SHISA9: variants seen among roughly 807,000 people sequenced by gnomAD.
The protein encoded by SHISA9 is protein shisa-9.
In SHISA9, 13 loss-of-function variants were observed where a neutral mutation model predicts 38.0. That is an observed-to-expected ratio of 0.34 (90% CI 0.22 to 0.54). SHISA9 has a LOEUF of 0.54. Among genes scored for constraint, SHISA9 ranks in the 20% least tolerant of loss-of-function variants. The pLI is 0.91. For synonymous variants in SHISA9, 275 were observed against 242.0 expected, an observed-to-expected ratio of 1.14 and a Z score of -1.27; for missense variants, 538 against 575.8, an observed-to-expected ratio of 0.93 and a Z score of 0.67.
intron 2 of SHISA9, among the ~76,000 whole-genome samples, chr16:12,923,611 T>C (rs1207267084): frequency 6.6e-6 from 1 of 152,142 alleles, no homozygotes; most frequent in Non-Finnish European, 1.5e-5. Flanking sequence ...GTTAACCAAA[T>C]ACATGGGAGT....
At chr16:13,471,427 A>G in the SHISA9 span, among the ~76,000 whole-genome samples, 1 of 152,214 alleles carries the variant, frequency 6.6e-6, no homozygotes, top group Non-Finnish European at 1.5e-5. Context: ...GTTTTTCTAG[A>G]TCCGACTCTC....
intron 4 of SHISA9, among the ~76,000 whole-genome samples, chr16:13,214,195 A>G (rs889589352): frequency 1.3e-5 from 2 of 151,952 alleles, no homozygotes; most frequent in Non-Finnish European, 2.9e-5. Flanking sequence ...AGGTAGAACT[A>G]TTTATCTATT....
intron 2 of SHISA9, among the ~76,000 whole-genome samples, chr16:13,089,686 C>G (rs998872610): frequency 1.3e-5 from 2 of 151,852 alleles, no homozygotes; most frequent in Non-Finnish European, 2.9e-5. Context: ...TTTTATTTTT[C>G]TCTCTTTTCT....
the SHISA9 span, among the ~76,000 whole-genome samples, chr16:13,527,344 A>G: frequency 6.6e-6 from 1 of 152,210 alleles, no homozygotes; most frequent in African/African-American, 2.4e-5. Flanking sequence ...CCATTTTAGT[A>G]CAACACCACT....
the SHISA9 span, among the ~76,000 whole-genome samples, chr16:13,467,150 T>C: frequency 6.6e-6 from 1 of 152,286 alleles, no homozygotes; most frequent in East Asian, 1.9e-4. Flanking sequence ...AAGCATTGTT[T>C]CTGGGTGTGT....
intron 2 of SHISA9, among the ~76,000 whole-genome samples, chr16:13,190,728 C>A (rs1211357972): frequency 6.6e-6 from 1 of 152,146 alleles, no homozygotes; most frequent in Non-Finnish European, 1.5e-5. Flanking sequence ...ATCTCTGTCC[C>A]CCAGAGCCTG....
chr16:13,291,495 T>C, the SHISA9 span, among the ~76,000 whole-genome samples: 1 of 152,344 alleles, frequency 6.6e-6, no homozygotes, highest in East Asian at 1.9e-4. Context: ...CCACACACTT[T>C]ATGTATTGCC....
At chr16:13,413,774 A>T in the SHISA9 span, among the ~76,000 whole-genome samples, 29 of 151,080 alleles carry the variant, frequency 1.9e-4, 1 homozygote, top group Non-Finnish European at 3.8e-4. Flanking sequence ...AAAAAAAAAA[A>T]AAAAAAAAAA....
intron 2 of SHISA9, among the ~76,000 whole-genome samples, chr16:13,035,685 C>G (rs1056024493): frequency 1.2e-4 from 18 of 152,246 alleles, no homozygotes; most frequent in Admixed American, 1.2e-3. Flanking sequence ...TACGCACCAC[C>G]ATGCCTGGCT....
intron 1 of SHISA9, among the ~76,000 whole-genome samples, chr16:12,916,233 GT>G (rs1386484970): frequency 1.3e-5 from 2 of 152,076 alleles, no homozygotes; most frequent in East Asian, 3.9e-4. Flanking sequence ...GTTTTGTGCT[GT>G]TTTGTTTAGT....
At chr16:13,380,484 C>G in the SHISA9 span, among the ~76,000 whole-genome samples, 8 of 152,118 alleles carry the variant, frequency 5.3e-5, no homozygotes, top group African/African-American at 1.9e-4. Context: ...GTTAAAAATT[C>G]TGACTACTAA....
the SHISA9 span, among the ~76,000 whole-genome samples, chr16:13,427,885 C>T: frequency 6.6e-6 from 1 of 152,206 alleles, no homozygotes; most frequent in African/African-American, 2.4e-5. Context: ...TCTATAGAAT[C>T]ACAGTAGTCC....
intron 2 of SHISA9, among the ~76,000 whole-genome samples, chr16:13,102,815 C>T (rs191698412): frequency 6.6e-6 from 1 of 152,236 alleles, no homozygotes; most frequent in Non-Finnish European, 1.5e-5. Flanking sequence ...AGTCGCTGTT[C>T]CGGGAAAAAT....
chr16:13,150,286 C>T (rs2050487607), intron 2 of SHISA9, among the ~76,000 whole-genome samples: 1 of 152,098 alleles, frequency 6.6e-6, no homozygotes, highest in Non-Finnish European at 1.5e-5. Context: ...TTTTGGCAAA[C>T]ATCTACTCAC....
chr16:13,323,716 AG>A, the SHISA9 span, among the ~76,000 whole-genome samples: 3 of 152,148 alleles, frequency 2.0e-5, no homozygotes, highest in Non-Finnish European at 4.4e-5. Context: ...TGTCGAGCAA[AG>A]GGGGGAAGAG....
intron 2 of SHISA9, among the ~76,000 whole-genome samples, chr16:12,966,244 C>T (rs1455833016): frequency 6.6e-6 from 1 of 152,180 alleles, no homozygotes; most frequent in Non-Finnish European, 1.5e-5. Context: ...ATTTTGCTCA[C>T]CTAGGGGACA....
the SHISA9 span, among the ~76,000 whole-genome samples, chr16:13,550,967 C>CA: frequency 5.5e-3 from 843 of 152,092 alleles, 9 homozygotes; most frequent in African/African-American, 0.018. Context: ...ACTAAAAATA[C>CA]AAAAAATTAG....
At chr16:13,091,258 A>C (rs1224372180) in intron 2 of SHISA9, among the ~76,000 whole-genome samples, 1 of 152,126 alleles carries the variant, frequency 6.6e-6, no homozygotes, top group African/African-American at 2.4e-5. Flanking sequence ...AACCTTGGTG[A>C]ATCTGACAAT....
At chr16:13,471,838 G>C in the SHISA9 span, among the ~76,000 whole-genome samples, 1 of 152,084 alleles carries the variant, frequency 6.6e-6, no homozygotes, top group Non-Finnish European at 1.5e-5. Flanking sequence ...TCCTTACACA[G>C]AATATCAGAT....
Sources: gnomAD v4.1 joint callset for allele counts (sites outside exome capture counted in the v4.1 genomes callset) on GRCh38, gnomAD v4.1.1 for gene constraint, MANE v1.5 for transcripts, NCBI Gene and HGNC (gene_info 2026-07-23, HGNC 2026-07-21) for gene names.